HS3ST4: variants seen among roughly 807,000 people sequenced by gnomAD.
The protein encoded by HS3ST4 is heparan sulfate-glucosamine 3-sulfotransferase 4.
Under a neutral mutation model 29.2 loss-of-function variants are expected in HS3ST4, and 17 were observed. That is an observed-to-expected ratio of 0.58 (90% CI 0.40 to 0.87). HS3ST4 has a LOEUF of 0.87. HS3ST4 is among the 40% of genes least tolerant of loss of function. HS3ST4 has a pLI of 0.00. For missense variants in HS3ST4, 627 were observed against 634.5 expected, an observed-to-expected ratio of 0.99 and a Z score of 0.13; for synonymous variants, 314 against 285.7, an observed-to-expected ratio of 1.10 and a Z score of -1.00.
intron 1 of HS3ST4, among the ~76,000 whole-genome samples, chr16:25,991,899 T>C (rs1969117280): frequency 6.7e-6 from 1 of 150,352 alleles, no homozygotes; most frequent in Non-Finnish European, 1.5e-5. Context: ...TGGGTGCCTG[T>C]AGTCCCAGCT....
intron 1 of HS3ST4, among the ~76,000 whole-genome samples, chr16:26,076,539 T>C (rs2141779963): frequency 1.3e-5 from 2 of 152,280 alleles, no homozygotes; most frequent in South Asian, 4.1e-4. Context: ...TAAGGAAGCA[T>C]AGTGATTAAA....
At chr16:25,855,515 A>G (rs973105394) in intron 1 of HS3ST4, among the ~76,000 whole-genome samples, 1 of 152,210 alleles carries the variant, frequency 6.6e-6, no homozygotes, top group Admixed American at 6.5e-5. Flanking sequence ...GCTATCTGTT[A>G]TGTGATGCTA....
intron 1 of HS3ST4, among the ~76,000 whole-genome samples, chr16:25,907,380 G>T (rs1968189591): frequency 6.6e-6 from 1 of 152,064 alleles, no homozygotes; most frequent in Admixed American, 6.6e-5. Flanking sequence ...GGGAGTCAAA[G>T]GTATCTAGGT....
At chr16:25,774,463 A>G (rs1410770822) in intron 1 of HS3ST4, among the ~76,000 whole-genome samples, 1 of 152,244 alleles carries the variant, frequency 6.6e-6, no homozygotes, top group Non-Finnish European at 1.5e-5. Flanking sequence ...TCTGCCTTCA[A>G]GAAGCAGTCT....
At chr16:25,777,297 C>T (rs1371634679) in intron 1 of HS3ST4, among the ~76,000 whole-genome samples, 1 of 152,238 alleles carries the variant, frequency 6.6e-6, no homozygotes, top group Non-Finnish European at 1.5e-5. Context: ...CCCCACACCT[C>T]TATAACTTTG....
intron 1 of HS3ST4, among the ~76,000 whole-genome samples, chr16:26,042,163 C>T (rs748878691): frequency 3.3e-5 from 5 of 152,178 alleles, no homozygotes; most frequent in East Asian, 1.9e-4. Flanking sequence ...CTGCCTCCAG[C>T]GTTCTGAAAC....
At chr16:26,121,322 G>A (rs6497927) in intron 1 of HS3ST4, among the ~76,000 whole-genome samples, 105,855 of 152,052 alleles carry the variant, frequency 0.7, 38,257 homozygotes, top group African/African-American at 0.9. Context: ...AGATTCCATC[G>A]GGAGAATATG....
At chr16:26,038,440 C>T (rs577897653) in intron 1 of HS3ST4, among the ~76,000 whole-genome samples, 41 of 152,074 alleles carry the variant, frequency 2.7e-4, no homozygotes, top group Non-Finnish European at 4.7e-4. Context: ...TCTGTTTCCC[C>T]ACTATAGCCC....
intron 1 of HS3ST4, among the ~76,000 whole-genome samples, chr16:25,873,528 A>G (rs542315066): frequency 3.0e-5 from 4 of 133,604 alleles, no homozygotes; most frequent in African/African-American, 1.2e-4. Context: ...CTATCTGTCT[A>G]TCTATCTATC....
At chr16:25,852,490 TCAA>T (rs1388267934) in intron 1 of HS3ST4, among the ~76,000 whole-genome samples, 1 of 152,096 alleles carries the variant, frequency 6.6e-6, no homozygotes. Flanking sequence ...GACGTTCTTT[TCAA>T]ATATTAGCTA....
chr16:26,092,776 C>T (rs1302548216), intron 1 of HS3ST4, among the ~76,000 whole-genome samples: 1 of 152,162 alleles, frequency 6.6e-6, no homozygotes, highest in African/African-American at 2.4e-5. Context: ...TGAGCTGAAG[C>T]AGGGCGGGGC....
intron 1 of HS3ST4, among the ~76,000 whole-genome samples, chr16:25,855,558 T>A (rs1239164756): frequency 6.6e-6 from 1 of 152,208 alleles, no homozygotes; most frequent in Non-Finnish European, 1.5e-5. Context: ...GGTATCTTAT[T>A]GGCAAGGAGT....
At chr16:25,809,107 T>A (rs559377492) in intron 1 of HS3ST4, among the ~76,000 whole-genome samples, 6 of 152,250 alleles carry the variant, frequency 3.9e-5, no homozygotes, top group Admixed American at 2.6e-4. Flanking sequence ...CCTTATTGCA[T>A]GCCTACAACG....
chr16:25,847,956 A>G (rs1475071952), intron 1 of HS3ST4, among the ~76,000 whole-genome samples: 6 of 152,162 alleles, frequency 3.9e-5, no homozygotes, highest in Non-Finnish European at 8.8e-5. Context: ...CTGCTGGTAA[A>G]ATACAATTTG....
At chr16:25,999,835 A>ATATATATTTTATAATTATATATATAT (rs1567290752) in intron 1 of HS3ST4, among the ~76,000 whole-genome samples, 1 of 106,160 alleles carries the variant, frequency 9.4e-6, no homozygotes, top group Non-Finnish European at 2.0e-5. Flanking sequence ...TTTATATATT[A>ATATATATTTTATAATTATATATATAT]TATATATTTT....
intron 1 of HS3ST4, among the ~76,000 whole-genome samples, chr16:25,954,788 A>C (rs1968713077): frequency 1.3e-5 from 2 of 152,200 alleles, no homozygotes; most frequent in South Asian, 4.1e-4. Flanking sequence ...GCTGGTAAGT[A>C]TAATGGAAGT....
chr16:25,957,152 T>C (rs1968743395), intron 1 of HS3ST4, among the ~76,000 whole-genome samples: 1 of 152,082 alleles, frequency 6.6e-6, no homozygotes, highest in Admixed American at 6.5e-5. Context: ...TCCAGTGCTT[T>C]GCGGTCAGGG....
chr16:26,021,855 G>A (rs186452999), intron 1 of HS3ST4, among the ~76,000 whole-genome samples: 1 of 151,908 alleles, frequency 6.6e-6, no homozygotes, highest in Non-Finnish European at 1.5e-5. Flanking sequence ...GTAGCGACGG[G>A]GTTTCACCAT....
chr16:26,022,108 A>G (rs547723655), intron 1 of HS3ST4, among the ~76,000 whole-genome samples: 26 of 152,196 alleles, frequency 1.7e-4, no homozygotes, highest in Non-Finnish European at 2.9e-5. Flanking sequence ...GACTACAGGC[A>G]CATGTCACCA....
Sources: allele counts gnomAD v4.1 joint callset (sites outside exome capture counted in the v4.1 genomes callset), GRCh38; gene constraint gnomAD v4.1.1; transcripts MANE v1.5; gene names NCBI Gene and HGNC (gene_info 2026-07-23, HGNC 2026-07-21).